KIAA0930: variants seen among roughly 807,000 people sequenced by gnomAD.
The protein encoded by KIAA0930 is KIAA0930, also known as uncharacterized protein KIAA0930.
In KIAA0930, 24 loss-of-function variants were observed where a neutral mutation model predicts 43.9. The ratio of observed to expected loss-of-function variants is 0.55; its 90% CI spans 0.40 to 0.77. KIAA0930 has a LOEUF of 0.77. KIAA0930 is among the 30% of genes least tolerant of loss of function. KIAA0930 has a pLI of 0.00. For missense variants in KIAA0930, 461 were observed against 574.2 expected, an observed-to-expected ratio of 0.80 and a Z score of 2.02; for synonymous variants, 259 against 216.4, an observed-to-expected ratio of 1.20 and a Z score of -1.73.
chr22:45,225,241 G>C (rs919645715), intron 1 of KIAA0930, among the ~76,000 whole-genome samples: 1 of 152,082 alleles, frequency 6.6e-6, no homozygotes, highest in African/African-American at 2.4e-5. Context: ...CTCCAGCTGA[G>C]GGCCTCCCTC....
At chr22:45,204,989 G>T (rs1424550478) in intron 5 of KIAA0930, among the ~76,000 whole-genome samples, 1 of 152,142 alleles carries the variant, frequency 6.6e-6, no homozygotes, top group African/African-American at 2.4e-5. Context: ...TAGGACAGAT[G>T]ATCATGACAC....
chr22:45,202,952 C>T (rs732373), intron 7 of KIAA0930, 38 bp downstream of exon 7: 494,812 of 1,527,780 alleles, frequency 0.32, 84,213 homozygotes, highest in South Asian at 0.55. Flanking sequence ...GTGAACTTGA[C>T]GGATGGGAGC....
At chr22:45,197,988 G>T (rs368541361) in intron 8 of KIAA0930, 40 bp from the exon 9 acceptor site, 1 of 1,604,866 alleles carries the variant, frequency 6.2e-7, no homozygotes, top group East Asian at 2.2e-5. Context: ...CCACAGCATG[G>T]GACGCGGCGG....
intron 2 of KIAA0930, 126 bp from the exon 3 acceptor site, chr22:45,206,038 C>CCCTGTCTCAAAAAAT: frequency 6.7e-7 from 1 of 1,486,178 alleles, no homozygotes. Context: ...TTTTTTGAGA[C>CCCTGTCTCAAAAAAT]AGGGTCTCAC....
At chr22:45,199,316 A>T (rs2083565193) in intron 8 of KIAA0930, among the ~76,000 whole-genome samples, 2 of 152,138 alleles carry the variant, frequency 1.3e-5, no homozygotes, top group African/African-American at 4.8e-5. Flanking sequence ...GGGGCATGGT[A>T]ACACCCAGAT....
chr22:45,198,430 G>C (rs148097843), intron 8 of KIAA0930, among the ~76,000 whole-genome samples: 1 of 152,220 alleles, frequency 6.6e-6, no homozygotes, highest in Non-Finnish European at 1.5e-5. Context: ...ATTCGGGAAC[G>C]GGCCCAGGTG....
chr22:45,216,027 C>CA (rs35402834), intron 1 of KIAA0930, among the ~76,000 whole-genome samples: 21,720 of 144,974 alleles, frequency 0.15, 1,751 homozygotes, highest in East Asian at 0.21. Context: ...GACTCCGTCT[C>CA]AAAAAAAAAA....
At chr22:45,197,318 C>T in intron 9 of KIAA0930, 102 bp from the exon 10 acceptor site, 1 of 971,496 alleles carries the variant, frequency 1.0e-6, no homozygotes, top group Admixed American at 2.5e-5. Flanking sequence ...GCCTCAGCCA[C>T]TCATGCATCT....
At chr22:45,215,076 G>T (rs1453424130) in intron 1 of KIAA0930, among the ~76,000 whole-genome samples, 1 of 152,048 alleles carries the variant, frequency 6.6e-6, no homozygotes, top group African/African-American at 2.4e-5. Context: ...AACTTAGGTG[G>T]GTGTGGTGGT....
At chr22:45,236,651 G>C (rs2083890343) in intron 1 of KIAA0930, among the ~76,000 whole-genome samples, 1 of 152,134 alleles carries the variant, frequency 6.6e-6, no homozygotes, top group African/African-American at 2.4e-5. Flanking sequence ...CCTCTGCGCA[G>C]GGTTAAGCAA....
intron 1 of KIAA0930, among the ~76,000 whole-genome samples, chr22:45,235,831 G>A (rs892141053): frequency 1.3e-5 from 2 of 152,228 alleles, no homozygotes; most frequent in Admixed American, 6.5e-5. Flanking sequence ...GGGCTGGAGT[G>A]CTTAGCCAGG....
rs2083698371 is a variant in KIAA0930, at chr22:45,212,012, A to C, written c.160T>G (p.Tyr54Asp). ...WAPRQDDMLF[Y>D]VRRKLAYSGS... ...GAGTACGCCAGCTTCCGGCGCACAT[A>C]GAAAAGCATGTCGTCCTGCCGGGGA... The change falls in exon 2 of 10, where the codon TAT becomes GAT. Residue 54 changes from tyrosine (Y) to aspartate (D), a missense_variant. Transcript: ENST00000336156. 6 of 1,613,656 alleles carry C rather than the reference A, an allele frequency of 3.7e-6. No individual in the cohort carries two copies. The highest frequency in any genetic ancestry group is 1.3e-5 in the African/African-American group (1 of 74,904).
chr22:45,214,101 C>T (rs1229947946), intron 1 of KIAA0930, among the ~76,000 whole-genome samples: 2 of 151,896 alleles, frequency 1.3e-5, no homozygotes, highest in Admixed American at 6.6e-5. Flanking sequence ...CACTTGAGCC[C>T]GGGAGGCAGA....
In KIAA0930 at chr22:45,203,904, C is replaced by T. The variant is rs765755735; in HGVS notation, c.598G>A (p.Gly200Arg). ...VASDKTNTFQ[G>R]VIFQGSIRYE... is the part of the protein sequence containing the mutation. ...CGGATGGAGCCCTGAAAGATGACCC[C>T]CTGGAACGTGTTGGTTTTGTCACTA... is the stretch of plus-strand genomic sequence containing the variant. Residue 200 changes from glycine to arginine, a missense_variant, in exon 6 of 10, where the codon GGG (glycine) becomes AGG (arginine). Coordinates refer to ENST00000336156, the MANE Select transcript of KIAA0930 (RefSeq NM_001009880.2). 7 of 1,614,088 alleles carry T rather than the reference C, an allele frequency of 4.3e-6. No homozygotes were observed. The highest frequency in any genetic ancestry group is 5.9e-6 in the Non-Finnish European group (7 of 1,179,990).
intron 2 of KIAA0930, among the ~76,000 whole-genome samples, chr22:45,210,249 T>C (rs982632878): frequency 1.3e-5 from 2 of 152,122 alleles, no homozygotes; most frequent in African/African-American, 2.4e-5. Flanking sequence ...CAGCAGAAGC[T>C]GAGAGGCCAC....
Position 45,203,018 on chromosome 22 carries a change from G to A in KIAA0930, c.824C>T (p.Ser275Phe), listed in dbSNP as rs750081075. The A allele has an allele frequency of 1.9e-6, 3 of 1,612,386 alleles. No homozygotes were observed. The highest frequency in any genetic ancestry group is 8.5e-7 in the Non-Finnish European group (1 of 1,179,286). Residue 275 changes from serine to phenylalanine, a missense_variant, in exon 7 of 10, where the codon TCC becomes TTC. Ser to Phe is a radical substitution (Grantham distance 155). Transcript: ENST00000336156. The stretch of plus-strand genomic sequence containing the variant: ...CTCGTGCATGGGCGAAGCTGGGCTG[G>A]AGTCCTCTTCAGTCCCACAGGGGGA... ...DTSPCGTEED[S>F]SPASPMHERV...
chr22:45,238,015 G>A (rs1342916104), intron 1 of KIAA0930, among the ~76,000 whole-genome samples: 1 of 151,932 alleles, frequency 6.6e-6, no homozygotes, highest in Non-Finnish European at 1.5e-5. Flanking sequence ...CCGCCTCCCG[G>A]GTTCACACCA....
intron 2 of KIAA0930, among the ~76,000 whole-genome samples, chr22:45,209,756 G>C (rs2083676440): frequency 1.3e-5 from 2 of 152,298 alleles, no homozygotes; most frequent in African/African-American, 4.8e-5. Context: ...GGGGGCATCT[G>C]CACATGGCTC....
intron 1 of KIAA0930, chr22:45,213,399 G>C: frequency 7.7e-7 from 1 of 1,302,210 alleles, no homozygotes; most frequent in African/African-American, 1.5e-5. Context: ...CATCGGTGAG[G>C]GTCTGGGTCA....
Sources: gnomAD v4.1 joint callset for allele counts (sites outside exome capture counted in the v4.1 genomes callset) on GRCh38, gnomAD v4.1.1 for gene constraint, MANE v1.5 for transcripts, NCBI Gene and HGNC (gene_info 2026-07-23, HGNC 2026-07-21) for gene names.